The following ANO3 variants were observed in gnomAD, a reference collection of about 807,000 sequenced individuals.
ANO3 encodes anoctamin-3.
ANO3 carries 99 observed loss-of-function variants against 144.8 expected under a neutral mutation model. The observed-to-expected ratio is 0.68, with a 90% CI of 0.58 to 0.81. The LOEUF (loss-of-function observed/expected upper bound fraction) is 0.81, where lower values mean the gene tolerates loss of function less well. Ranked by LOEUF, ANO3 falls within the 30% of genes least tolerant of loss-of-function variation. ANO3 has a pLI of 0.00. For synonymous variants in ANO3, 414 were observed against 392.6 expected (o/e 1.05, Z -0.64); for missense variants, 905 against 1,202.2 (o/e 0.75, Z 3.66).
upstream of ANO3, chr11:26,309,506 G>C (rs1440697503): frequency 1.0e-5 from 2 of 200,862 alleles, no homozygotes; most frequent in Non-Finnish European, 1.8e-5. Context: ...GAACTAATTT[G>C]GCCTATATCA....
intron 1 of ANO3, among the ~76,000 whole-genome samples, chr11:26,289,458 G>A (rs1034550956): frequency 2.0e-5 from 3 of 148,028 alleles, no homozygotes; most frequent in African/African-American, 7.4e-5. Flanking sequence ...ATATAGCACT[G>A]CCTATTTTGC....
intron 18 of ANO3, among the ~76,000 whole-genome samples, chr11:26,633,371 C>A (rs938922707): frequency 6.6e-6 from 1 of 152,182 alleles, no homozygotes; most frequent in African/African-American, 2.4e-5. Flanking sequence ...AGTGAAGAGA[C>A]CTGCCTGAGA....
chr11:26,316,182 C>G (rs958533688), intron 1 of ANO3, among the ~76,000 whole-genome samples: 1 of 152,156 alleles, frequency 6.6e-6, no homozygotes, highest in Non-Finnish European at 1.5e-5. Flanking sequence ...CCAGGCAGAT[C>G]TGCAGGTCGA....
intron 14 of ANO3, chr11:26,560,558 A>G (rs556401611): frequency 6.5e-6 from 1 of 153,124 alleles, no homozygotes; most frequent in South Asian, 2.1e-4. Flanking sequence ...CTATTGCCTC[A>G]ATTTCCCAAT....
chr11:26,649,175 C>T (rs1853444703), intron 24 of ANO3, among the ~76,000 whole-genome samples: 1 of 152,018 alleles, frequency 6.6e-6, no homozygotes, highest in South Asian at 2.1e-4. Context: ...CTAGCAAAAA[C>T]AAAACGAGAC....
intron 14 of ANO3, among the ~76,000 whole-genome samples, chr11:26,595,871 C>CA (rs2132914300): frequency 6.6e-6 from 1 of 152,254 alleles, no homozygotes; most frequent in South Asian, 2.1e-4. Flanking sequence ...GAGGTGTGCT[C>CA]ACAATGAGGT....
intron 1 of ANO3, among the ~76,000 whole-genome samples, chr11:26,405,970 T>C (rs1452103835): frequency 1.3e-5 from 2 of 151,902 alleles, no homozygotes; most frequent in Non-Finnish European, 2.9e-5. Flanking sequence ...GTGGTATTTT[T>C]ACATTTTAAG....
chr11:26,646,847 A>AT (rs757212727), intron 23 of ANO3, among the ~76,000 whole-genome samples: 2 of 152,080 alleles, frequency 1.3e-5, no homozygotes, highest in Non-Finnish European at 2.9e-5. Flanking sequence ...TAAATGTTTA[A>AT]TTTTAATGTA....
At chr11:26,316,208 C>G (rs913016012) in intron 1 of ANO3, among the ~76,000 whole-genome samples, 4 of 152,150 alleles carry the variant, frequency 2.6e-5, no homozygotes, top group African/African-American at 9.7e-5. Context: ...AAAAGACACA[C>G]ACAAGATAGT....
intron 4 of ANO3, 23 bp downstream of exon 4, chr11:26,463,171 TAA>T: frequency 1.6e-6 from 2 of 1,265,236 alleles, no homozygotes; most frequent in African/African-American, 1.5e-5. Context: ...AAATTATCAA[TAA>T]GTCATTTTTA....
chr11:26,625,545 A>G (rs1009003112), intron 18 of ANO3, among the ~76,000 whole-genome samples: 16 of 152,144 alleles, frequency 1.1e-4, no homozygotes, highest in African/African-American at 3.6e-4. Flanking sequence ...ATATTCTATA[A>G]TTGTGTATAC....
At chr11:26,454,412 A>G (rs1197030444) in intron 3 of ANO3, among the ~76,000 whole-genome samples, 1 of 152,328 alleles carries the variant, frequency 6.6e-6, no homozygotes, top group East Asian at 1.9e-4. Context: ...CTGATCCCAC[A>G]GAAATACAAA....
At chr11:26,220,236 G>A (rs1002999773) in intron 1 of ANO3, among the ~76,000 whole-genome samples, 1 of 152,212 alleles carries the variant, frequency 6.6e-6, no homozygotes, top group Non-Finnish European at 1.5e-5. Context: ...TAAAATGTAT[G>A]ACCTTGGTGC....
intron 3 of ANO3, among the ~76,000 whole-genome samples, chr11:26,457,329 ACT>A (rs1192189371): frequency 2.5e-5 from 1 of 40,096 alleles, no homozygotes; most frequent in African/African-American, 5.8e-5. Flanking sequence ...AAATGTTTTG[ACT>A]CTGAAAAAAA....
intron 22 of ANO3, 131 bp downstream of exon 22, chr11:26,642,160 C>T (rs1853177781): frequency 1.0e-6 from 1 of 955,018 alleles, no homozygotes; most frequent in African/African-American, 1.7e-5. Context: ...CACGTCTGCA[C>T]CTTCATCTCA....
At chr11:26,190,592 C>T (rs1405723509) in intron 1 of ANO3, among the ~76,000 whole-genome samples, 1 of 152,048 alleles carries the variant, frequency 6.6e-6, no homozygotes, top group African/African-American at 2.4e-5. Context: ...TCTTTTTCAC[C>T]ATTTTTTTTG....
intron 11 of ANO3, among the ~76,000 whole-genome samples, chr11:26,544,273 T>TATATATATATACACACACACACAC: frequency 1.0e-4 from 6 of 58,568 alleles, no homozygotes; most frequent in Admixed American, 8.3e-4. Context: ...TATATATATA[T>TATATATATATACACACACACACAC]ACACACATAC....
chr11:26,584,075 G>C (rs1851207941), intron 14 of ANO3, among the ~76,000 whole-genome samples: 1 of 152,114 alleles, frequency 6.6e-6, no homozygotes, highest in Non-Finnish European at 1.5e-5. Flanking sequence ...TTTTCAACTA[G>C]AATTGATCTT....
At chr11:26,565,109 A>T in intron 14 of ANO3, 2 of 1,464,134 alleles carry the variant, frequency 1.4e-6, no homozygotes, top group Admixed American at 2.4e-5. Flanking sequence ...ACTCTGCATG[A>T]CTTATTTGGA....
Sources: gnomAD v4.1 joint callset for allele counts (sites outside exome capture counted in the v4.1 genomes callset) on GRCh38, gnomAD v4.1.1 for gene constraint, MANE v1.5 for transcripts, NCBI Gene and HGNC (gene_info 2026-07-23, HGNC 2026-07-21) for gene names.